Variants in AUTS2 observed in about 807,000 individuals in gnomAD.
AUTS2 encodes activator of transcription and developmental regulator AUTS2.
A neutral mutation model predicts 112.4 loss-of-function variants in AUTS2; 17 were observed. That is an observed-to-expected ratio of 0.15 (90% CI 0.10 to 0.23). The LOEUF (loss-of-function observed/expected upper bound fraction) is 0.23. AUTS2 is among the 10% of genes least tolerant of loss of function. The probability of loss-of-function intolerance (pLI) is 1.00; values close to 1 mark genes in which losing one functional copy is unlikely to be tolerated. For synonymous variants in AUTS2, 751 were observed against 702.7 expected, an observed-to-expected ratio of 1.07 and a Z score of -1.09; for missense variants, 1,510 against 1,701.6, an observed-to-expected ratio of 0.89 and a Z score of 1.98.
At chr7:70,498,344 T>C (rs1798640115) in intron 5 of AUTS2, among the ~76,000 whole-genome samples, 1 of 152,218 alleles carries the variant, frequency 6.6e-6, no homozygotes, top group African/African-American at 2.4e-5. Context: ...TGGGGAGCTC[T>C]TTAATAGGTG....
chr7:70,489,297 G>A (rs931101275), intron 5 of AUTS2, among the ~76,000 whole-genome samples: 2 of 152,332 alleles, frequency 1.3e-5, no homozygotes, highest in East Asian at 3.9e-4. Flanking sequence ...AACAATGGAA[G>A]CATATTATTT....
intron 2 of AUTS2, among the ~76,000 whole-genome samples, chr7:69,952,078 G>T (rs976152072): frequency 2.6e-5 from 4 of 151,836 alleles, no homozygotes; most frequent in African/African-American, 9.7e-5. Context: ...CACTTTTATG[G>T]CCATTTTTTA....
chr7:69,814,590 C>T (rs1320239428), intron 1 of AUTS2, among the ~76,000 whole-genome samples: 1 of 152,240 alleles, frequency 6.6e-6, no homozygotes, highest in East Asian at 1.9e-4. Context: ...CCGCTCTAAC[C>T]CAGTGTACTG....
chr7:69,925,498 A>G (rs1036748365), intron 2 of AUTS2, among the ~76,000 whole-genome samples: 2 of 152,166 alleles, frequency 1.3e-5, no homozygotes, highest in Non-Finnish European at 2.9e-5. Flanking sequence ...TCTAATTGAA[A>G]CACTCCAAAT....
intron 1 of AUTS2, among the ~76,000 whole-genome samples, chr7:69,760,112 A>G (rs1418870040): frequency 1.3e-5 from 2 of 151,470 alleles, no homozygotes; most frequent in African/African-American, 4.9e-5. Context: ...AACAAGTATC[A>G]TGTTCTGTAA....
intron 6 of AUTS2, among the ~76,000 whole-genome samples, chr7:70,716,636 C>CAAAAAAA (rs34972760): frequency 0.028 from 1,797 of 64,824 alleles, 267 homozygotes; most frequent in South Asian, 0.056. Flanking sequence ...GACTCCGTCT[C>CAAAAAAA]AAAAAAAAAA....
At chr7:70,739,571 T>C (rs988800538) in intron 6 of AUTS2, among the ~76,000 whole-genome samples, 1 of 151,910 alleles carries the variant, frequency 6.6e-6, no homozygotes, top group Non-Finnish European at 1.5e-5. Flanking sequence ...GGATAGGAGA[T>C]AGAGAAAAAT....
intron 1 of AUTS2, among the ~76,000 whole-genome samples, chr7:69,766,536 AAGC>A (rs1300943423): frequency 1.8e-4 from 27 of 152,314 alleles, no homozygotes; most frequent in African/African-American, 6.3e-4. Flanking sequence ...TGTTTTCCAT[AAGC>A]AGCTAGATTT....
Position 69,791,598 on chromosome 7 carries a change from T to C in AUTS2, c.310-107688T>C, listed in dbSNP as rs1178049226. Among the ~76,000 whole-genome samples the C allele has an allele frequency of 2.0e-5, 3 of 152,294 alleles. No individual in the cohort carries two copies. The East Asian group carries it at 5.8e-4, about 29-fold the overall frequency. ...GAAGGTGAGGAGAATGGTATTGAAT[T>C]TGAAGGAGCTGGTTTGCTTCATTGA... On this transcript the variant is annotated intron_variant, in intron 1 of 18. Transcript: ENST00000342771.
chr7:69,874,064 A>C (rs1793619885), intron 1 of AUTS2, among the ~76,000 whole-genome samples: 1 of 152,158 alleles, frequency 6.6e-6, no homozygotes, highest in Non-Finnish European at 1.5e-5. Context: ...GCTAGGGAAG[A>C]AGGTTATTAC....
intron 1 of AUTS2, among the ~76,000 whole-genome samples, chr7:69,703,234 G>T (rs1797900788): frequency 1.3e-5 from 2 of 151,990 alleles, no homozygotes; most frequent in South Asian, 4.2e-4. Flanking sequence ...TTTAATCTGT[G>T]GTTTGCTGCT....
intron 1 of AUTS2, among the ~76,000 whole-genome samples, chr7:69,762,874 G>C (rs557736031): frequency 9.2e-5 from 14 of 152,284 alleles, no homozygotes; most frequent in Non-Finnish European, 1.8e-4. Flanking sequence ...TACAGGTGAG[G>C]AGAATTGCAT....
chr7:69,753,431 G>C (rs558938115), intron 1 of AUTS2, among the ~76,000 whole-genome samples: 70 of 152,176 alleles, frequency 4.6e-4, no homozygotes, highest in Middle Eastern at 6.8e-3. Flanking sequence ...GGAGAAGCTT[G>C]GTGGTAATTC....
intron 2 of AUTS2, among the ~76,000 whole-genome samples, chr7:69,985,466 CAA>C (rs1798472274): frequency 6.6e-6 from 1 of 152,080 alleles, no homozygotes; most frequent in African/African-American, 2.4e-5. Context: ...ATGATCTTTT[CAA>C]AACACAGGTT....
intron 5 of AUTS2, among the ~76,000 whole-genome samples, chr7:70,567,579 A>C (rs948377355): frequency 6.6e-5 from 10 of 152,216 alleles, no homozygotes; most frequent in African/African-American, 1.9e-4. Context: ...TAGTGACAGA[A>C]AACCAGTGTG....
chr7:70,415,729 TGTG>T (rs1441820274), intron 4 of AUTS2, among the ~76,000 whole-genome samples: 1 of 152,184 alleles, frequency 6.6e-6, no homozygotes, highest in Non-Finnish European at 1.5e-5. Context: ...ACATCTATAT[TGTG>T]GCTGTCTCAG....
intron 4 of AUTS2, among the ~76,000 whole-genome samples, chr7:70,135,316 T>C (rs551783519): frequency 6.6e-6 from 1 of 152,266 alleles, no homozygotes; most frequent in African/African-American, 2.4e-5. Flanking sequence ...GAGTGACAAA[T>C]AAGCATTATT....
intron 1 of AUTS2, among the ~76,000 whole-genome samples, chr7:69,783,088 CTTTTTTTTTTTTTT>C (rs398047755): frequency 1.2e-5 from 1 of 85,138 alleles, no homozygotes; most frequent in Non-Finnish European, 2.4e-5. Flanking sequence ...TGCTGCTCAT[CTTTTTTTTTTTTTT>C]TTTTTTTTTT....
At chr7:70,293,364 C>T (rs1176070788) in intron 4 of AUTS2, 1 of 152,062 alleles carries the variant, frequency 6.6e-6, no homozygotes, top group African/African-American at 2.4e-5. Context: ...CTGTTTTTAT[C>T]GGTTTTTCTG....
Sources: gnomAD v4.1 joint callset for allele counts (sites outside exome capture counted in the v4.1 genomes callset) on GRCh38, gnomAD v4.1.1 for gene constraint, MANE v1.5 for transcripts, NCBI Gene and HGNC (gene_info 2026-07-23, HGNC 2026-07-21) for gene names.